WDR70: variants seen among roughly 807,000 people sequenced by gnomAD.
WDR70 encodes the protein WD repeat domain 70, also known as WD repeat-containing protein 70.
In WDR70, 53 loss-of-function variants were observed where a neutral mutation model predicts 88.6. The observed-to-expected ratio is 0.60, with a 90% CI of 0.48 to 0.75. The LOEUF is 0.75. Among genes scored for constraint, WDR70 ranks in the 30% least tolerant of loss-of-function variants. WDR70 has a pLI of 0.00. For synonymous variants in WDR70, 280 were observed against 270.0 expected, an observed-to-expected ratio of 1.04 and a Z score of -0.36; for missense variants, 610 against 823.2, an observed-to-expected ratio of 0.74 and a Z score of 3.17.
At chr5:37,491,534 C>G (rs1160878425) in intron 8 of WDR70, among the ~76,000 whole-genome samples, 2 of 152,196 alleles carry the variant, frequency 1.3e-5, no homozygotes, top group Non-Finnish European at 2.9e-5. Flanking sequence ...CAGGATACCT[C>G]AGAATGCTTG....
intron 5 of WDR70, among the ~76,000 whole-genome samples, chr5:37,424,569 TA>T (rs1481854515): frequency 1.3e-5 from 2 of 151,768 alleles, no homozygotes; most frequent in African/African-American, 4.8e-5. Context: ...CATGCCCGGC[TA>T]ATTTTTTTAT....
At chr5:37,409,684 T>C (rs932671490) in intron 5 of WDR70, among the ~76,000 whole-genome samples, 2 of 152,050 alleles carry the variant, frequency 1.3e-5, no homozygotes, top group Non-Finnish European at 2.9e-5. Context: ...TTTGTATTTT[T>C]AGTAGAGACG....
rs553019881 is a variant in WDR70 at position 37,677,031 on chromosome 5, T to G, written c.1093-20624T>G. ...TCTAGTTTATTTGCATAGAGGTGTT[T>G]GTAGTATTCTCTGATGGTAGTTCAT... On this transcript the variant is annotated intron_variant, in intron 10 of 17. Coordinates refer to ENST00000265107, the MANE Select transcript of WDR70 (RefSeq NM_018034.4). Among the ~76,000 whole-genome samples, 3 of 152,354 alleles carry G rather than the reference T, an allele frequency of 2.0e-5. No homozygotes were observed. In the South Asian group the frequency reaches 6.2e-4, roughly 32 times the overall value.
At chr5:37,651,021 G>A (rs1561051150) in intron 10 of WDR70, among the ~76,000 whole-genome samples, 1 of 147,134 alleles carries the variant, frequency 6.8e-6, no homozygotes, top group Non-Finnish European at 1.5e-5. Flanking sequence ...GTGCAGGTTT[G>A]TTACATAAGT....
intron 7 of WDR70, among the ~76,000 whole-genome samples, chr5:37,461,242 A>G (rs1169554132): frequency 6.6e-6 from 1 of 152,062 alleles, no homozygotes; most frequent in African/African-American, 2.4e-5. Context: ...TGCTGACCCT[A>G]CTGTAAAAGC....
At chr5:37,592,883 G>T (rs1285375111) in intron 9 of WDR70, among the ~76,000 whole-genome samples, 1 of 152,180 alleles carries the variant, frequency 6.6e-6, no homozygotes, top group African/African-American at 2.4e-5. Flanking sequence ...TGCCAGTAAC[G>T]GTGGCTTGCC....
At chr5:37,656,111 T>C (rs184079084) in intron 10 of WDR70, among the ~76,000 whole-genome samples, 16 of 152,278 alleles carry the variant, frequency 1.1e-4, no homozygotes, top group South Asian at 1.0e-3. Flanking sequence ...TGATGCCCTT[T>C]GGATGGGGTT....
intron 5 of WDR70, among the ~76,000 whole-genome samples, chr5:37,432,187 C>T (rs894899647): frequency 1.3e-5 from 2 of 151,340 alleles, no homozygotes; most frequent in Non-Finnish European, 2.9e-5. Context: ...CACAAGGATT[C>T]CAGTTTCTTT....
rs1265959864 is a variant in WDR70 at position 37,487,438 on chromosome 5, G to C, written c.840+7451G>C. On this transcript the variant is annotated intron_variant, in intron 8 of 17. Coordinates refer to ENST00000265107, the MANE Select transcript of WDR70 (RefSeq NM_018034.4). ...GTTTACTGGAAAATTCAATGAATAG[G>C]GTGTTAAAGGAAGCAATTTATTAAT... Among the ~76,000 whole-genome samples the C allele has an allele frequency of 2.0e-5, 3 of 150,430 alleles. No homozygotes were observed. The East Asian group carries it at 5.8e-4, about 29-fold the overall frequency.
intron 15 of WDR70, chr5:37,723,888 C>T (rs537314475): frequency 8.5e-5 from 13 of 152,210 alleles, no homozygotes; most frequent in South Asian, 6.2e-4. Context: ...AACTGAGTGA[C>T]GGGTGGCTAT....
intron 15 of WDR70, 34 bp downstream of exon 15, chr5:37,722,968 T>A (rs773931596): frequency 1.5e-5 from 24 of 1,606,040 alleles, no homozygotes; most frequent in East Asian, 2.2e-5. Context: ...ATCATGCATC[T>A]CTCTTCTACT....
At chr5:37,565,084 A>G (rs1742698790) in intron 9 of WDR70, among the ~76,000 whole-genome samples, 1 of 152,168 alleles carries the variant, frequency 6.6e-6, no homozygotes, top group Non-Finnish European at 1.5e-5. Context: ...ATTTTATATA[A>G]CAACAAAAGA....
chr5:37,725,379 C>T (rs564847212), intron 16 of WDR70, among the ~76,000 whole-genome samples: 4 of 151,908 alleles, frequency 2.6e-5, no homozygotes, highest in Admixed American at 6.6e-5. Flanking sequence ...AACCACTGCT[C>T]TCAATATTGG....
chr5:37,637,335 T>TA (rs1744997887), intron 10 of WDR70, among the ~76,000 whole-genome samples: 1 of 119,976 alleles, frequency 8.3e-6, no homozygotes, highest in Admixed American at 8.3e-5. Flanking sequence ...AAAAAATAAA[T>TA]AAATTAAATA....
Position 37,672,886 on chromosome 5 carries a change from C to A in WDR70, c.1093-24769C>A, listed in dbSNP as rs369839740. Among the ~76,000 whole-genome samples, 147 of 152,270 alleles carry A rather than the reference C, an allele frequency of 9.7e-4. 1 individual carries two copies. Among genetic ancestry groups the A allele is most frequent in the African/African-American group, 3.4e-3 (141 of 41,558 alleles). ...ACAGGTGTGGAGGGGCAGGCCACCC[C>A]TTCATCTTCTGACTTTTACTTCAGG... On this transcript the variant is annotated intron_variant, in intron 10 of 17. Transcript: ENST00000265107.
intron 7 of WDR70, among the ~76,000 whole-genome samples, chr5:37,451,157 C>G (rs1415980494): frequency 2.6e-5 from 4 of 152,102 alleles, no homozygotes; most frequent in Admixed American, 1.3e-4. Context: ...CTTGGTCTCC[C>G]AAAGTGCTGG....
chr5:37,489,522 C>T (rs12109722), intron 8 of WDR70, among the ~76,000 whole-genome samples: 1 of 151,962 alleles, frequency 6.6e-6, no homozygotes, highest in Non-Finnish European at 1.5e-5. Flanking sequence ...ACCTTGTCCT[C>T]CAGCCCCTAG....
In WDR70 at chr5:37,488,852, T is replaced by G. The variant is rs137998526; in HGVS notation, c.840+8865T>G. Among the ~76,000 whole-genome samples the G allele has an allele frequency of 6.6e-5, 10 of 152,350 alleles. No homozygotes were observed. The East Asian group carries it at 1.7e-3, about 26-fold the overall frequency. ...TGTGTTCCCTTGGAGGTGTCACTTT[T>G]CCTTGCTTTTTTGTGTTTCTTGTGT... On this transcript the variant is annotated intron_variant, in intron 8 of 17. Transcript: ENST00000265107.
chr5:37,716,356 A>G (rs2112687217), intron 13 of WDR70, among the ~76,000 whole-genome samples: 2 of 152,338 alleles, frequency 1.3e-5, no homozygotes, highest in African/African-American at 4.8e-5. Context: ...TGAACTGGGA[A>G]CTAGTGGGCT....
Sources: gnomAD v4.1 joint callset for allele counts (sites outside exome capture counted in the v4.1 genomes callset) on GRCh38, gnomAD v4.1.1 for gene constraint, MANE v1.5 for transcripts, NCBI Gene and HGNC (gene_info 2026-07-23, HGNC 2026-07-21) for gene names.